Variants in GNG7 observed in about 807,000 individuals in gnomAD.
GNG7 encodes the protein guanine nucleotide-binding protein G(I)/G(S)/G(O) subunit gamma-7.
In GNG7, 1 loss-of-function variant was observed where a neutral mutation model predicts 4.0. The observed-to-expected ratio is 0.25, with a 90% confidence interval of 0.09 to 1.18. The LOEUF (loss-of-function observed/expected upper bound fraction) is 1.18, where lower values mean the gene tolerates loss of function less well. GNG7 is among the 50% of genes most tolerant of loss of function. The probability of loss-of-function intolerance (pLI) is 0.50; values close to 1 mark genes in which losing one functional copy is unlikely to be tolerated. For missense variants in GNG7, 86 were observed against 91.9 expected, an observed-to-expected ratio of 0.94 and a Z score of 0.26; for synonymous variants, 34 against 36.9, an observed-to-expected ratio of 0.92 and a Z score of 0.29.
chr19:2,613,151 T>C lies in GNG7; in HGVS notation c.-78+33073A>G, dbSNP rs550184087. Among the ~76,000 whole-genome samples, 28 of 143,042 alleles carry C rather than the reference T, an allele frequency of 2.0e-4. No homozygotes were observed. The South Asian group carries it at 2.7e-3, about 14-fold the overall frequency. 93.8% of individuals were successfully genotyped at this position (143,042 alleles called of 152,430 possible). A position where few individuals can be genotyped will look rare whatever the true frequency, so the allele number is the denominator to read the frequency against. ...AGGAATTCAGACAAAGAATTTCTGA[T>C]GCAAGTTTAACCCGGCTGGTGGCTG... On this transcript the variant is annotated intron_variant, in intron 2 of 4. Coordinates refer to ENST00000382159, the MANE Select transcript of GNG7 (RefSeq NM_052847.3).
At chr19:2,630,579 A>T (rs573986207) in intron 2 of GNG7, 1 of 152,122 alleles carries the variant, frequency 6.6e-6, no homozygotes, top group East Asian at 2.0e-4. Context: ...CCCCCTCCTG[A>T]CAGCTAACAA....
rs746555549 is a variant in GNG7 at position 2,609,336 on chromosome 19, T to G, written c.-78+36888A>C. Among the ~76,000 whole-genome samples the G allele has an allele frequency of 2.0e-5, 3 of 152,170 alleles. No homozygotes were observed. Among genetic ancestry groups the G allele is most frequent in the Non-Finnish European group, 2.9e-5 (2 of 68,034 alleles). On this transcript the variant is annotated intron_variant, in intron 2 of 4. Transcript: ENST00000382159. This position sits in a 1 kb window ranked among gnomAD's most constrained non-coding sequence, Gnocchi z 4.4. Reference sequence around the variant, plus strand: ...CACCCCACCCAGCTAATTTTTGTTTTACACTAAAGTGTTATTTCATCTTGG... The same window carrying G: ...CACCCCACCCAGCTAATTTTTGTTTGACACTAAAGTGTTATTTCATCTTGG...
chr19:2,621,844 C>T (rs954190785), intron 2 of GNG7, among the ~76,000 whole-genome samples: 2 of 152,180 alleles, frequency 1.3e-5, no homozygotes, highest in Admixed American at 6.5e-5. Flanking sequence ...GAAGGATCCT[C>T]TCCTGTAGCG....
chr19:2,699,147 CT>C (rs371884402), intron 1 of GNG7, among the ~76,000 whole-genome samples: 2,125 of 128,472 alleles, frequency 0.017, 31 homozygotes, highest in African/African-American at 0.053. Context: ...AAGGAGTAGC[CT>C]TTTTTTTTTT....
intron 2 of GNG7, among the ~76,000 whole-genome samples, chr19:2,620,232 G>T (rs1356436208): frequency 1.9e-5 from 2 of 105,870 alleles, no homozygotes. Flanking sequence ...GAGGAGAGGG[G>T]AGGGGAGGGG....
At chr19:2,536,950 TTA>T (rs1368587769) in intron 3 of GNG7, among the ~76,000 whole-genome samples, 4 of 148,094 alleles carry the variant, frequency 2.7e-5, no homozygotes, top group South Asian at 2.1e-4. Flanking sequence ...ATTTTTATTT[TTA>T]TTTTTTTTTT....
At chr19:2,536,735 C>T (rs1018342913) in intron 3 of GNG7, among the ~76,000 whole-genome samples, 12 of 152,036 alleles carry the variant, frequency 7.9e-5, no homozygotes, top group East Asian at 5.8e-4. Context: ...TCAGCTTTCT[C>T]GGCTGTAAAG....
intron 2 of GNG7, among the ~76,000 whole-genome samples, chr19:2,578,405 C>CAT (rs1980406311): frequency 6.6e-6 from 1 of 152,194 alleles, no homozygotes; most frequent in African/African-American, 2.4e-5. Context: ...TTGATAGAAT[C>CAT]TCTTCCTGAA....
intron 1 of GNG7, among the ~76,000 whole-genome samples, chr19:2,669,797 G>A (rs1252101817): frequency 6.6e-6 from 1 of 151,898 alleles, no homozygotes; most frequent in East Asian, 1.9e-4. Flanking sequence ...ATCACTTGAG[G>A]CCAGGAGTTT....
chr19:2,667,475 G>A (rs950289035), intron 1 of GNG7, among the ~76,000 whole-genome samples: 7 of 151,944 alleles, frequency 4.6e-5, no homozygotes, highest in Non-Finnish European at 1.0e-4. Flanking sequence ...GCTGCAAAGG[G>A]CATTCGGAAT....
chr19:2,662,608 G>A lies in GNG7; in HGVS notation c.-134-16328C>T, dbSNP rs182117342. ...TTACAAAGAATACAGACGAAAAGAT[G>A]CATAGGATGAGGTATAGGGAAGAAG... On this transcript the variant is annotated intron_variant, in intron 1 of 4. Transcript: ENST00000382159. Among the ~76,000 whole-genome samples the A allele has an allele frequency of 2.8e-3, 434 of 152,306 alleles. 2 individuals carry two copies. Among genetic ancestry groups the A allele is most frequent in the African/African-American group, 9.9e-3 (410 of 41,562 alleles).
chr19:2,595,855 A>G (rs946940728), intron 2 of GNG7, among the ~76,000 whole-genome samples: 7 of 152,274 alleles, frequency 4.6e-5, no homozygotes, highest in African/African-American at 1.2e-4. Context: ...GGAAAAGTCT[A>G]GGGAGTTTCA....
At position 2,513,040 on chromosome 19, in the gene GNG7, C is replaced by T; in HGVS notation, c.*1982G>A. On this transcript the variant is annotated 3_prime_UTR_variant, in exon 5 of 5. Transcript: ENST00000382159. ...CGAAGCCCCAGCCCTCCCGGACCTG[C>T]CGTAGAGAGCTGGGTGCCGGGGGTG... The T allele has an allele frequency of 1.0e-6, 1 of 985,498 alleles. No individual in the cohort carries two copies. Among genetic ancestry groups the T allele is most frequent in the Non-Finnish European group, 1.2e-6 (1 of 829,976 alleles). 61.0% of individuals were successfully genotyped at this position (985,498 alleles called of 1,614,324 possible).
At chr19:2,639,667 C>G (rs1365119145) in intron 2 of GNG7, among the ~76,000 whole-genome samples, 1 of 9,622 alleles carries the variant, frequency 1.0e-4, no homozygotes, top group African/African-American at 2.2e-3. Context: ...GGGAGGGATT[C>G]AGGAAGGAAG....
chr19:2,526,380 C>T (rs919357327), intron 3 of GNG7, among the ~76,000 whole-genome samples: 70 of 150,836 alleles, frequency 4.6e-4, no homozygotes, highest in Non-Finnish European at 8.7e-4. Flanking sequence ...GCTGGGATTA[C>T]AGGCGTGAGC....
At chr19:2,603,884 T>A (rs1215479783) in intron 2 of GNG7, among the ~76,000 whole-genome samples, 1 of 151,912 alleles carries the variant, frequency 6.6e-6, no homozygotes, top group Non-Finnish European at 1.5e-5. Context: ...AGAGTCTCGC[T>A]CTGTCACCCA....
intron 2 of GNG7, among the ~76,000 whole-genome samples, chr19:2,569,275 CTCT>C (rs1980070725): frequency 6.6e-6 from 1 of 152,044 alleles, no homozygotes; most frequent in Non-Finnish European, 1.5e-5. Context: ...CTCTCTCTCT[CTCT>C]CTTTCTTTTT....
intron 2 of GNG7, among the ~76,000 whole-genome samples, chr19:2,569,315 G>A (rs911456096): frequency 2.6e-5 from 4 of 151,888 alleles, no homozygotes; most frequent in Non-Finnish European, 5.9e-5. Context: ...TCGCTCTGTC[G>A]CCCAGGCTGG....
chr19:2,609,010 TTC>T lies in GNG7; in HGVS notation c.-78+37212_-78+37213del, dbSNP rs3064559. On this transcript the variant is annotated intron_variant, in intron 2 of 4. Coordinates refer to ENST00000382159, the MANE Select transcript of GNG7 (RefSeq NM_052847.3). This position sits in a 1 kb window ranked among gnomAD's most constrained non-coding sequence, Gnocchi z 4.4. ...ATCATGCCTACCTAGTTCTTGTACA[TTC>T]TCTCTCTCTCTCTCTCTCTCTTTTT... 0.72 allele frequency among the ~76,000 whole-genome samples: 107,062 copies of T among 149,306 alleles called. 40,307 individuals are homozygous for T. Among genetic ancestry groups the T allele is most frequent in the Non-Finnish European group, 0.86 (57,487 of 67,068 alleles).
Sources: gnomAD v4.1 joint callset for allele counts (sites outside exome capture counted in the v4.1 genomes callset) on GRCh38, gnomAD v4.1.1 for gene constraint, Gnocchi (gnomAD v3.1) non-coding constraint, MANE v1.5 for transcripts, NCBI Gene and HGNC (gene_info 2026-07-23, HGNC 2026-07-21) for gene names.